Variants in STAG1 observed in about 807,000 individuals in gnomAD.
The protein encoded by STAG1 is cohesin subunit SA-1.
STAG1 carries 26 observed loss-of-function variants against 170.9 expected under a neutral mutation model. The observed-to-expected ratio is 0.15, with a 90% confidence interval of 0.11 to 0.21. The LOEUF (loss-of-function observed/expected upper bound fraction) is 0.21. STAG1 is among the 10% of genes least tolerant of loss of function. The probability of loss-of-function intolerance (pLI) is 1.00; values close to 1 mark genes in which losing one functional copy is unlikely to be tolerated. For missense variants in STAG1, 964 were observed against 1,509.5 expected, an observed-to-expected ratio of 0.64 and a Z score of 5.99; for synonymous variants, 514 against 497.7, an observed-to-expected ratio of 1.03 and a Z score of -0.44.
At chr3:136,691,666 G>C (rs1314546695) in intron 1 of STAG1, among the ~76,000 whole-genome samples, 1 of 152,216 alleles carries the variant, frequency 6.6e-6, no homozygotes, top group Non-Finnish European at 1.5e-5. Flanking sequence ...TCCAAATGTA[G>C]TCTTGTTTCA....
At chr3:136,358,045 A>C (rs1472126831) in intron 27 of STAG1, among the ~76,000 whole-genome samples, 197 bp from the exon 28 acceptor site, 1 of 152,164 alleles carries the variant, frequency 6.6e-6, no homozygotes, top group Non-Finnish European at 1.5e-5. Context: ...AAGTTGGGGA[A>C]AATATACAAA....
chr3:136,510,244 G>C (rs1933983841), intron 7 of STAG1, among the ~76,000 whole-genome samples: 1 of 152,122 alleles, frequency 6.6e-6, no homozygotes, highest in Non-Finnish European at 1.5e-5. Context: ...TGGGATCATG[G>C]GGGCAGTTTC....
chr3:136,745,271 C>T (rs1167014288), intron 1 of STAG1, among the ~76,000 whole-genome samples: 1 of 151,986 alleles, frequency 6.6e-6, no homozygotes, highest in East Asian at 1.9e-4. Flanking sequence ...TCTCACATAA[C>T]CCATAAATAC....
At chr3:136,715,302 T>C (rs937149922) in intron 1 of STAG1, among the ~76,000 whole-genome samples, 1 of 151,324 alleles carries the variant, frequency 6.6e-6, no homozygotes, top group African/African-American at 2.4e-5. Flanking sequence ...TATGAGCCAC[T>C]GCACCAGGGC....
chr3:136,426,268 C>T (rs1003184245), intron 16 of STAG1, among the ~76,000 whole-genome samples: 3 of 151,842 alleles, frequency 2.0e-5, no homozygotes, highest in Non-Finnish European at 4.4e-5. Context: ...AAATTAGCTG[C>T]GTGAGGTGGC....
intron 1 of STAG1, among the ~76,000 whole-genome samples, chr3:136,659,241 T>G (rs1230959095): frequency 1.3e-5 from 2 of 152,218 alleles, no homozygotes; most frequent in African/African-American, 4.8e-5. Context: ...AAATTATTTT[T>G]CCAAAAATTT....
chr3:136,417,351 C>T (rs1329638793), intron 21 of STAG1, among the ~76,000 whole-genome samples: 1 of 152,130 alleles, frequency 6.6e-6, no homozygotes, highest in African/African-American at 2.4e-5. Flanking sequence ...CTTCCTTTCT[C>T]ATACTGAATC....
At chr3:136,408,363 A>G (rs1405587703) in intron 21 of STAG1, among the ~76,000 whole-genome samples, 1 of 152,218 alleles carries the variant, frequency 6.6e-6, no homozygotes, top group East Asian at 1.9e-4. Context: ...ATGGATACAC[A>G]TAGTTAAGAG....
In STAG1 at chr3:136,679,728, TAAAAAAA is replaced by T. The variant is rs61069088; in HGVS notation, c.-83-48754_-83-48748del. ...TGGGCGAAAGAGCAAGACTCCGTCT[TAAAAAAA>T]AAAAAAAAAAAAAAAAATCAGCCGG... On this transcript the variant is annotated intron_variant, in intron 1 of 33. Coordinates refer to ENST00000383202, the MANE Select transcript of STAG1 (RefSeq NM_005862.3). Among the ~76,000 whole-genome samples, 8 of 117,706 alleles carry T rather than the reference TAAAAAAA, an allele frequency of 6.8e-5. No homozygotes were observed. In the East Asian group the frequency reaches 8.1e-4, roughly 12 times the overall value. The allele number at this position is 117,706 out of a possible 152,430, so 77.2% of individuals were successfully genotyped here.
intron 9 of STAG1, among the ~76,000 whole-genome samples, chr3:136,484,947 C>T (rs201801780): frequency 0.01 from 1,226 of 121,628 alleles, no homozygotes; most frequent in South Asian, 0.034. Flanking sequence ...GCGCACGGTG[C>T]GCGCACACAC....
In STAG1 at chr3:136,361,705, G is replaced by A. The variant is rs139812968; in HGVS notation, c.2787+1661C>T. Among the ~76,000 whole-genome samples the A allele has an allele frequency of 6.4e-3, 980 of 152,194 alleles. 12 individuals are homozygous for A. The highest frequency in any genetic ancestry group is 0.022 in the African/African-American group (933 of 41,528). ...AACTCACTGCAGCTTGGACCTCCCAGGCTCAAGCCATCCTGTCACTTTACC... is the reference window on the plus strand; with the variant it reads ...AACTCACTGCAGCTTGGACCTCCCAAGCTCAAGCCATCCTGTCACTTTACC... On this transcript the variant is annotated intron_variant, in intron 26 of 33. Transcript: ENST00000383202.
At chr3:136,746,581 C>A (rs1415092478) in intron 1 of STAG1, among the ~76,000 whole-genome samples, 1 of 152,202 alleles carries the variant, frequency 6.6e-6, no homozygotes, top group South Asian at 2.1e-4. Context: ...GACTGCTAAA[C>A]CGTATGCCAT....
chr3:136,385,598 T>C (rs1168765845), intron 22 of STAG1, among the ~76,000 whole-genome samples: 2 of 152,224 alleles, frequency 1.3e-5, no homozygotes, highest in Non-Finnish European at 2.9e-5. Context: ...TGCTTCCTGG[T>C]AGATCTAGTG....
At chr3:136,563,666 A>C (rs1559881128) in intron 5 of STAG1, among the ~76,000 whole-genome samples, 1 of 151,124 alleles carries the variant, frequency 6.6e-6, no homozygotes, top group African/African-American at 2.4e-5. Context: ...AAAAAAAACA[A>C]CAACAACAAA....
chr3:136,734,145 CA>C (rs1168847561), intron 1 of STAG1, among the ~76,000 whole-genome samples: 5 of 145,286 alleles, frequency 3.4e-5, no homozygotes, highest in South Asian at 2.3e-4. Context: ...AAAAACAAAA[CA>C]AAAAAAATTT....
chr3:136,398,153 T>C (rs1298134049), intron 22 of STAG1, among the ~76,000 whole-genome samples: 1 of 151,818 alleles, frequency 6.6e-6, no homozygotes, highest in Non-Finnish European at 1.5e-5. Context: ...AGTCTCACTC[T>C]GTCGCTCAGG....
Position 136,593,748 on chromosome 3 carries a change from T to C in STAG1, c.297+10561A>G, listed in dbSNP as rs139292287. Among the ~76,000 whole-genome samples, 40 of 152,350 alleles carry C rather than the reference T, an allele frequency of 2.6e-4. 1 individual carries two copies. In the East Asian group the frequency reaches 7.7e-3, roughly 29 times the overall value. ...TAGAATATTATATGATTTTAAATTCTGTACCCAATATTTTGCACTGTAGCA... is the reference window on the plus strand; with the variant it reads ...TAGAATATTATATGATTTTAAATTCCGTACCCAATATTTTGCACTGTAGCA... On this transcript the variant is annotated intron_variant, in intron 4 of 33. Coordinates refer to ENST00000383202, the MANE Select transcript of STAG1 (RefSeq NM_005862.3).
intron 30 of STAG1, 115 bp downstream of exon 30, chr3:136,343,717 G>C: frequency 2.0e-5 from 14 of 712,062 alleles, no homozygotes; most frequent in Non-Finnish European, 2.7e-5. Flanking sequence ...CCCTCCGTTT[G>C]TGGCTTATCA....
chr3:136,339,710 G>A (rs955246946), intron 32 of STAG1, among the ~76,000 whole-genome samples: 4 of 151,916 alleles, frequency 2.6e-5, no homozygotes, highest in Admixed American at 6.6e-5. Flanking sequence ...ATGTAATTCT[G>A]CCTATAACTA....
Sources: gnomAD v4.1 joint callset for allele counts (sites outside exome capture counted in the v4.1 genomes callset) on GRCh38, gnomAD v4.1.1 for gene constraint, MANE v1.5 for transcripts, NCBI Gene and HGNC (gene_info 2026-07-23, HGNC 2026-07-21) for gene names.